The following FOXP2 variants were observed in gnomAD, a reference collection of about 807,000 sequenced individuals.
FOXP2 encodes the protein forkhead box protein P2.
A neutral mutation model predicts 115.8 loss-of-function variants in FOXP2; 12 were observed. The ratio of observed to expected loss-of-function variants is 0.10; its 90% CI spans 0.07 to 0.17. The LOEUF (loss-of-function observed/expected upper bound fraction) is 0.17. Among genes scored for constraint, FOXP2 ranks in the 10% least tolerant of loss-of-function variants. The probability of loss-of-function intolerance (pLI) is 1.00; values close to 1 mark genes in which losing one functional copy is unlikely to be tolerated. For missense variants in FOXP2, 629 were observed against 843.5 expected, an observed-to-expected ratio of 0.75 and a Z score of 3.15; for synonymous variants, 328 against 297.7, an observed-to-expected ratio of 1.10 and a Z score of -1.05.
chr7:114,450,443 G>A (rs1795023924), intron 2 of FOXP2, among the ~76,000 whole-genome samples: 1 of 152,076 alleles, frequency 6.6e-6, no homozygotes, highest in Non-Finnish European at 1.5e-5. Flanking sequence ...TAGCTTGAGG[G>A]AAAGGTGTAA....
chr7:114,300,704 A>T (rs898682109), intron 2 of FOXP2, among the ~76,000 whole-genome samples: 2 of 152,042 alleles, frequency 1.3e-5, no homozygotes, highest in Non-Finnish European at 2.9e-5. Flanking sequence ...CTGTAAAGAC[A>T]ATGTTGTTGT....
intron 2 of FOXP2, among the ~76,000 whole-genome samples, chr7:114,407,350 G>A (rs564354707): frequency 6.1e-4 from 93 of 151,940 alleles, no homozygotes; most frequent in Middle Eastern, 3.4e-3. Context: ...TGTTTTAATA[G>A]CATAGAAAAT....
chr7:114,650,922 G>C (rs1473937940), intron 8 of FOXP2, among the ~76,000 whole-genome samples: 32 of 151,876 alleles, frequency 2.1e-4, no homozygotes, highest in Admixed American at 2.0e-3. Context: ...GCAAAACAAA[G>C]GTTTCTGATT....
intron 3 of FOXP2, 42 bp from the exon 4 acceptor site, chr7:114,628,497 GT>G (rs1194067046): frequency 1.2e-6 from 2 of 1,612,442 alleles, no homozygotes; most frequent in East Asian, 2.2e-5. Context: ...CAGATATTTG[GT>G]TATGACCACG....
chr7:114,620,222 G>A lies in FOXP2; in HGVS notation c.259-8318G>A, dbSNP rs190324250. The stretch of plus-strand genomic sequence containing the variant: ...AAAAGAACTTGATATATAACCTAAC[G>A]GCAAGTGAAATACTGATTCCAAGCT... On this transcript the variant is annotated intron_variant, in intron 3 of 16. Transcript: ENST00000350908. 2.1e-3 allele frequency among the ~76,000 whole-genome samples: 323 copies of A among 151,984 alleles called. 2 individuals are homozygous for A. Among genetic ancestry groups the A allele is most frequent in the African/African-American group, 7.3e-3 (304 of 41,500 alleles).
chr7:114,124,385 G>A (rs1329596408), intron 1 of FOXP2, among the ~76,000 whole-genome samples: 1 of 151,978 alleles, frequency 6.6e-6, no homozygotes, highest in East Asian at 1.9e-4. Context: ...TCAAATATTG[G>A]TTACAATCAT....
At chr7:114,680,928 T>A (rs1808055046) in intron 16 of FOXP2, among the ~76,000 whole-genome samples, 1 of 152,192 alleles carries the variant, frequency 6.6e-6, no homozygotes, top group South Asian at 2.1e-4. Context: ...TATTTCCATC[T>A]GAACTTGCTC....
In FOXP2 at chr7:114,214,447, T is replaced by A. The variant is rs80039194; in HGVS notation, c.-102+51359T>A. ...CTATCTGCAACTGAGATTTTAGAGA[T>A]TAAAACCAAAGAAGTAACTGTGTAA... is the stretch of plus-strand genomic sequence containing the variant. On this transcript the variant is annotated intron_variant, in intron 1 of 17. Transcript: ENST00000634411. 5.6e-4 allele frequency among the ~76,000 whole-genome samples: 86 copies of A among 152,330 alleles called. 2 individuals are homozygous for A. In the East Asian group the frequency reaches 0.015, roughly 27 times the overall value.
At chr7:114,517,920 A>G in intron 2 of FOXP2, among the ~76,000 whole-genome samples, 1 of 152,276 alleles carries the variant, frequency 6.6e-6, no homozygotes, top group South Asian at 2.1e-4. Flanking sequence ...TTGGAGCAGT[A>G]TAGACATTTT....
At chr7:114,204,473 T>C (rs1794150531) in intron 1 of FOXP2, among the ~76,000 whole-genome samples, 2 of 152,150 alleles carry the variant, frequency 1.3e-5, no homozygotes, top group Admixed American at 6.5e-5. Flanking sequence ...GGGGTTTAAC[T>C]CACAGCTCTG....
upstream of FOXP2, among the ~76,000 whole-genome samples, chr7:114,159,083 A>G (rs539787836): frequency 1.3e-5 from 2 of 152,232 alleles, no homozygotes; most frequent in East Asian, 3.9e-4. Context: ...TTGTTGATTC[A>G]AGAAAAAGAA....
intron 3 of FOXP2, among the ~76,000 whole-genome samples, chr7:114,606,970 C>G (rs576609024): frequency 2.6e-5 from 4 of 152,254 alleles, no homozygotes; most frequent in African/African-American, 9.6e-5. Context: ...GCCACTTTAG[C>G]ATTACTAGTG....
Position 114,622,142 on chromosome 7 carries a change from A to C in FOXP2, c.259-6398A>C, listed in dbSNP as rs114559594. On this transcript the variant is annotated intron_variant, in intron 3 of 16. Coordinates refer to ENST00000350908, the MANE Select transcript of FOXP2 (RefSeq NM_014491.4). ...AAAGCGCAAAAAGCTGAGAGACTGT[A>C]ATATCTGAGGTTCTACTGTTCATTT... Among the ~76,000 whole-genome samples the C allele has an allele frequency of 9.0e-3, 1,364 of 152,050 alleles. 22 individuals carry two copies. The highest frequency in any genetic ancestry group is 0.031 in the African/African-American group (1,298 of 41,516).
intron 1 of FOXP2, among the ~76,000 whole-genome samples, chr7:114,257,969 T>C (rs765223320): frequency 2.0e-5 from 3 of 152,194 alleles, no homozygotes; most frequent in East Asian, 1.9e-4. Flanking sequence ...CAAACTCTTA[T>C]TAGAATTTCT....
chr7:114,471,663 A>T (rs1796050556), intron 2 of FOXP2, among the ~76,000 whole-genome samples: 1 of 151,976 alleles, frequency 6.6e-6, no homozygotes, highest in Non-Finnish European at 1.5e-5. Flanking sequence ...GACTTATTTT[A>T]TTCCAGCCAG....
Position 114,610,632 on chromosome 7 carries a change from G to A in FOXP2, c.259-17908G>A, listed in dbSNP as rs561330845. Reference sequence around the variant, plus strand: ...CTTATTGAACACCAGGTTCATTGAAGATGAAAGACGCCCAGTAACTGCTAA... The same window carrying A: ...CTTATTGAACACCAGGTTCATTGAAAATGAAAGACGCCCAGTAACTGCTAA... On this transcript the variant is annotated intron_variant, in intron 3 of 16. Coordinates refer to ENST00000350908, the MANE Select transcript of FOXP2 (RefSeq NM_014491.4). 3.3e-5 allele frequency among the ~76,000 whole-genome samples: 5 copies of A among 152,048 alleles called. No homozygotes were observed. The South Asian group carries it at 1.0e-3, about 32-fold the overall frequency.
intron 2 of FOXP2, among the ~76,000 whole-genome samples, chr7:114,313,340 A>G (rs1382627033): frequency 2.0e-5 from 3 of 152,198 alleles, no homozygotes; most frequent in African/African-American, 4.8e-5. Flanking sequence ...ATTATTTGGA[A>G]CATCTTTCTG....
intron 1 of FOXP2, among the ~76,000 whole-genome samples, chr7:114,151,488 A>G (rs1467024505): frequency 6.6e-6 from 1 of 152,006 alleles, no homozygotes; most frequent in Non-Finnish European, 1.5e-5. Context: ...CTGTTTTTTC[A>G]AAAAGGAGAC....
At chr7:114,089,815 AAC>A (rs1446587186) in intron 1 of FOXP2, among the ~76,000 whole-genome samples, 2 of 152,128 alleles carry the variant, frequency 1.3e-5, no homozygotes, top group African/African-American at 4.8e-5. Flanking sequence ...CAAAATTTCA[AAC>A]ACACAAAACA....
Sources: allele counts gnomAD v4.1 joint callset (sites outside exome capture counted in the v4.1 genomes callset), GRCh38; gene constraint gnomAD v4.1.1; transcripts MANE v1.5; gene names NCBI Gene and HGNC (gene_info 2026-07-23, HGNC 2026-07-21).